GUCY2C: variants seen among roughly 807,000 people sequenced by gnomAD.
GUCY2C encodes guanylate cyclase 2C.
GUCY2C carries 118 observed loss-of-function variants against 131.1 expected under a neutral mutation model. The observed-to-expected ratio is 0.90, with a 90% CI of 0.78 to 1.05. GUCY2C has a LOEUF of 1.05. GUCY2C is among the 50% of genes least tolerant of loss of function. The pLI, the probability that GUCY2C is intolerant of heterozygous loss-of-function variation, is 0.00. For synonymous variants in GUCY2C, 452 were observed against 457.8 expected (o/e 0.99, Z 0.16); for missense variants, 1,161 against 1,304.4 (o/e 0.89, Z 1.69).
chr12:14,640,959 G>T, intron 18 of GUCY2C, 123 bp downstream of exon 18: 1 of 834,564 alleles, frequency 1.2e-6, no homozygotes, highest in Non-Finnish European at 1.9e-6. Flanking sequence ...ATGCAGATGG[G>T]AAATCATTAA....
At chr12:14,674,563 A>G (rs1948187101) in intron 8 of GUCY2C, 62 bp downstream of exon 8, 2 of 1,514,208 alleles carry the variant, frequency 1.3e-6, no homozygotes, top group Non-Finnish European at 1.8e-6. Flanking sequence ...TGTTGCCCCA[A>G]ATCCACTCAG....
chr12:14,628,768 A>G (rs772282930), intron 19 of GUCY2C, 31 bp from the exon 20 acceptor site: 4 of 1,017,250 alleles, frequency 3.9e-6, no homozygotes, highest in Non-Finnish European at 4.7e-6. Context: ...CAAATTAGCT[A>G]AGGGGATAGT....
chr12:14,693,131 C>T (rs1036918293), intron 1 of GUCY2C, among the ~76,000 whole-genome samples: 5 of 152,086 alleles, frequency 3.3e-5, no homozygotes, highest in African/African-American at 1.2e-4. Context: ...CCTTTCCTAC[C>T]GGCACTCTCT....
chr12:14,628,654 C>A lies in GUCY2C; in HGVS notation c.2241G>T (p.Lys747Asn). Residue 747 changes from lysine (K) to asparagine (N), a missense_variant, in exon 20 of 27, where the codon AAG becomes AAT. Coordinates refer to ENST00000261170, the MANE Select transcript of GUCY2C (RefSeq NM_004963.4). ...AAACATTTCAGCAATACCCAAATAT[C>A]TTGGCAAGTGTAGTCTCAATTTTTT... ...DFKKIETTLA[K>N]IFGLFHDQKN... The A allele has an allele frequency of 6.5e-7, 1 of 1,528,796 alleles. No individual in the cohort carries two copies. The highest frequency in any genetic ancestry group is 9.1e-7 in the Non-Finnish European group (1 of 1,102,560). 94.7% of individuals were successfully genotyped at this position (1,528,796 alleles called of 1,614,324 possible).
intron 25 of GUCY2C, among the ~76,000 whole-genome samples, chr12:14,615,653 G>T (rs893841774): frequency 1.4e-5 from 2 of 147,660 alleles, no homozygotes; most frequent in Non-Finnish European, 3.0e-5. Flanking sequence ...ATATATAATT[G>T]ATATATATTG....
chr12:14,628,230 G>C (rs1035946199), intron 20 of GUCY2C, among the ~76,000 whole-genome samples: 1 of 152,060 alleles, frequency 6.6e-6, no homozygotes, highest in African/African-American at 2.4e-5. Flanking sequence ...CATGTCTTAA[G>C]TACCTAGGGC....
chr12:14,694,150 TTAAC>T (rs779042192), intron 1 of GUCY2C, among the ~76,000 whole-genome samples: 11 of 152,326 alleles, frequency 7.2e-5, no homozygotes, highest in East Asian at 1.9e-4. Context: ...TTCCGAAAAT[TTAAC>T]TAGCTGCTTA....
chr12:14,619,239 T>A lies in GUCY2C; in HGVS notation c.2847A>T (p.Thr949=). The A allele has an allele frequency of 6.2e-7, 1 of 1,610,088 alleles. No homozygotes were observed. The highest frequency in any genetic ancestry group is 8.5e-7 in the Non-Finnish European group (1 of 1,176,338). The change falls in exon 24 of 27, where the codon ACA becomes ACT. Residue 949 remains threonine, a synonymous_variant. Coordinates refer to ENST00000261170, the MANE Select transcript of GUCY2C (RefSeq NM_004963.4). ...RYCLFGDTVN[T]ASRMESTGLP... is the part of the protein sequence containing the mutation. ...GGCCAGTGGATTCCATCCTAGAGGC[T>A]GTGTTGACCGTATCTCCAAATAGAC...
At chr12:14,628,836 T>G in intron 19 of GUCY2C, 99 bp from the exon 20 acceptor site, 1 of 742,114 alleles carries the variant, frequency 1.3e-6, no homozygotes, top group South Asian at 1.5e-5. Flanking sequence ...AGGCAAGGAA[T>G]AGTTTAAAAA....
chr12:14,628,804 T>C (rs1295021013), intron 19 of GUCY2C, 67 bp from the exon 20 acceptor site: 2 of 825,378 alleles, frequency 2.4e-6, no homozygotes, highest in Non-Finnish European at 4.3e-6. Context: ...AGAATTCTTA[T>C]TCTCATTGAT....
intron 11 of GUCY2C, 63 bp from the exon 12 acceptor site, chr12:14,656,680 A>G (rs1177089075): frequency 1.2e-6 from 1 of 834,576 alleles, no homozygotes; most frequent in Non-Finnish European, 2.1e-6. Context: ...CAGCTTCTGA[A>G]GACTGGGTGA....
intron 12 of GUCY2C, among the ~76,000 whole-genome samples, chr12:14,654,445 G>A (rs1341818764): frequency 6.6e-6 from 1 of 152,084 alleles, no homozygotes; most frequent in Non-Finnish European, 1.5e-5. Flanking sequence ...TTCCCAGCCT[G>A]TCTAAAACTC....
At chr12:14,617,357 C>T (rs1450634712) in intron 24 of GUCY2C, among the ~76,000 whole-genome samples, 2 of 152,076 alleles carry the variant, frequency 1.3e-5, no homozygotes, top group Admixed American at 6.6e-5. Flanking sequence ...CAGGGCCCTG[C>T]GTGATGTGAT....
At chr12:14,661,139 A>C (rs1393284879) in intron 10 of GUCY2C, 77 bp from the exon 11 acceptor site, 1 of 896,026 alleles carries the variant, frequency 1.1e-6, no homozygotes, top group Non-Finnish European at 1.8e-6. Context: ...TGTACAATGT[A>C]ATTTGGGGAA....
intron 17 of GUCY2C, 43 bp from the exon 18 acceptor site, chr12:14,641,262 G>A (rs756386041): frequency 1.9e-6 from 3 of 1,602,326 alleles, no homozygotes; most frequent in Admixed American, 1.7e-5. Context: ...AGGGGGGTGA[G>A]TGGTTCATAG....
chr12:14,661,430 A>T (rs185806098), intron 10 of GUCY2C, among the ~76,000 whole-genome samples: 1 of 152,016 alleles, frequency 6.6e-6, no homozygotes, highest in African/African-American at 2.4e-5. Context: ...TTCATAGAGG[A>T]TGAGACATGT....
At chr12:14,624,823 G>A (rs1172745948) in intron 21 of GUCY2C, among the ~76,000 whole-genome samples, 1 of 152,188 alleles carries the variant, frequency 6.6e-6, no homozygotes, top group Non-Finnish European at 1.5e-5. Flanking sequence ...CTGAAATGGT[G>A]AGCCAGCTGA....
chr12:14,662,619 T>TGA (rs1361796645), intron 10 of GUCY2C, among the ~76,000 whole-genome samples: 2 of 143,878 alleles, frequency 1.4e-5, no homozygotes, highest in African/African-American at 5.3e-5. Context: ...GAGGTTGTAG[T>TGA]GAGCCAAGAT....
intron 22 of GUCY2C, among the ~76,000 whole-genome samples, chr12:14,621,444 T>A (rs1267956343): frequency 6.6e-6 from 1 of 152,224 alleles, no homozygotes; most frequent in Non-Finnish European, 1.5e-5. Context: ...ATTTAGCCAT[T>A]TAAAAGTACT....
Sources: gnomAD v4.1 joint callset for allele counts (sites outside exome capture counted in the v4.1 genomes callset) on GRCh38, gnomAD v4.1.1 for gene constraint, MANE v1.5 for transcripts, NCBI Gene and HGNC (gene_info 2026-07-23, HGNC 2026-07-21) for gene names.